The following ABCA4 variants were observed in gnomAD, a reference collection of about 807,000 sequenced individuals.
ABCA4 encodes retinal-specific phospholipid-transporting ATPase ABCA4.
Under a neutral mutation model 263.7 loss-of-function variants are expected in ABCA4, and 196 were observed. The ratio of observed to expected loss-of-function variants is 0.74; its 90% confidence interval spans 0.66 to 0.84. The LOEUF is 0.84. ABCA4 is among the 40% of genes least tolerant of loss of function. The probability of loss-of-function intolerance (pLI) is 0.00; values close to 1 mark genes in which losing one functional copy is unlikely to be tolerated. For missense variants in ABCA4, 2,792 were observed against 2,855.1 expected, an observed-to-expected ratio of 0.98 and a Z score of 0.50; for synonymous variants, 1,133 against 1,094.2, an observed-to-expected ratio of 1.04 and a Z score of -0.70.
chr1:93,993,750 T>C (rs1441919670), intron 49 of ABCA4, among the ~76,000 whole-genome samples: 4 of 152,038 alleles, frequency 2.6e-5, no homozygotes, highest in Non-Finnish European at 5.9e-5. Context: ...AGATCAAAGC[T>C]TGGGCTTTGA....
chr1:94,112,606 C>A (rs56399246), intron 2 of ABCA4, among the ~76,000 whole-genome samples: 2 of 151,914 alleles, frequency 1.3e-5, no homozygotes, highest in African/African-American at 2.4e-5. Flanking sequence ...AAGACCAGCC[C>A]GGGCAATGTA....
At chr1:93,998,825 G>A (rs879643207) in intron 47 of ABCA4, among the ~76,000 whole-genome samples, 1 of 151,300 alleles carries the variant, frequency 6.6e-6, no homozygotes, top group Non-Finnish European at 1.5e-5. Flanking sequence ...TGCAACCTCC[G>A]CCTCCTGGGT....
At chr1:94,008,693 A>G in intron 41 of ABCA4, 58 bp downstream of exon 41, 1 of 1,612,662 alleles carries the variant, frequency 6.2e-7, no homozygotes, top group South Asian at 1.1e-5. Flanking sequence ...GGAAAATGGC[A>G]ACATCATGCC....
chr1:94,040,931 C>G (rs1660468077), intron 23 of ABCA4, among the ~76,000 whole-genome samples: 1 of 152,252 alleles, frequency 6.6e-6, no homozygotes, highest in Admixed American at 6.5e-5. Flanking sequence ...GAATAAGACA[C>G]TCACTTCTAT....
At chr1:94,052,505 G>A (rs1279211734) in intron 16 of ABCA4, among the ~76,000 whole-genome samples, 2 of 152,210 alleles carry the variant, frequency 1.3e-5, no homozygotes, top group African/African-American at 4.8e-5. Flanking sequence ...TGGCCCTGCT[G>A]AGCCTCATGC....
chr1:94,041,297 A>G lies in ABCA4; in HGVS notation c.3434T>C (p.Leu1145Pro). Residue 1145 changes from leucine to proline, a missense_variant, in exon 23 of 50, where the codon CTC becomes CCC. Coordinates refer to ENST00000370225, the MANE Select transcript of ABCA4 (RefSeq NM_000350.3). ...QGRLYCSGTP[L>P]FLKNCFGTGL... Reference sequence around the variant, plus strand: ...TGTGCCAAAGCAGTTCTTCAGGAAGAGTGGGGTGCCTGAGCAGTAGAGCCT... The same window carrying G: ...TGTGCCAAAGCAGTTCTTCAGGAAGGGTGGGGTGCCTGAGCAGTAGAGCCT... 1 of 1,614,076 alleles carries G rather than the reference A, an allele frequency of 6.2e-7. No homozygotes were observed. Among genetic ancestry groups the G allele is most frequent in the East Asian group, 2.2e-5 (1 of 44,858 alleles).
chr1:94,044,497 G>T (rs896606169), intron 20 of ABCA4, 116 bp downstream of exon 20: 9 of 1,496,108 alleles, frequency 6.0e-6, no homozygotes, highest in Admixed American at 1.7e-5. Context: ...CCAAATAAGA[G>T]TCTGTATCTC....
Position 94,031,804 on chromosome 1 carries a change from G to C in ABCA4, c.4102C>G (p.Arg1368Gly), listed in dbSNP as rs1183074086. 1 of 1,613,820 alleles carries C rather than the reference G, an allele frequency of 6.2e-7. No individual in the cohort carries two copies. The highest frequency in any genetic ancestry group is 8.5e-7 in the Non-Finnish European group (1 of 1,180,050). The part of the protein sequence containing the change: ...LLVKRFQHTI[R>G]SHKDFLAQIV... ...TGCGCCAGGAAGTCCTTGTGGCTGC[G>C]GATGGTGTGTTGGAATCTCTTGACC... Residue 1368 changes from arginine (R) to glycine (G), a missense_variant, in exon 27 of 50, where the codon CGC becomes GGC. Physicochemically the swap from Arg to Gly is moderately radical, Grantham distance 125. Transcript: ENST00000370225.
chr1:94,121,102 G>C lies in ABCA4; in HGVS notation c.-57C>G. 6.5e-7 allele frequency: 1 copy of C among 1,541,182 alleles called. No homozygotes were observed. Among genetic ancestry groups the C allele is most frequent in the Non-Finnish European group, 9.0e-7 (1 of 1,113,592 alleles). On this transcript the variant is annotated 5_prime_UTR_variant, in exon 1 of 50. Coordinates refer to ENST00000370225, the MANE Select transcript of ABCA4 (RefSeq NM_000350.3). ...GAGCTGAGGCCCCTCAGACAGCAAAGGACATAAACGCCGTTAAGAGCGCCT... is the reference window on the plus strand; with the variant it reads ...GAGCTGAGGCCCCTCAGACAGCAAACGACATAAACGCCGTTAAGAGCGCCT...
intron 30 of ABCA4, 43 bp downstream of exon 30, chr1:94,029,402 G>T: frequency 1.3e-6 from 2 of 1,497,922 alleles, no homozygotes. Flanking sequence ...TAGTCCCTCT[G>T]TGGCAGGCAG....
At chr1:94,001,192 G>A (rs1659166646) in intron 45 of ABCA4, 87 bp from the exon 46 acceptor site, 5 of 1,100,636 alleles carry the variant, frequency 4.5e-6, no homozygotes, top group Non-Finnish European at 6.8e-6. Flanking sequence ...CCCCTGTGGA[G>A]GATGAGCTGA....
At chr1:94,024,870 T>G (rs1421353369) in intron 31 of ABCA4, 84 bp downstream of exon 31, 2 of 1,251,706 alleles carry the variant, frequency 1.6e-6, no homozygotes, top group African/African-American at 2.9e-5. Flanking sequence ...CATACATAAA[T>G]TGAGAGAGAA....
intron 3 of ABCA4, among the ~76,000 whole-genome samples, 170 bp from the exon 4 acceptor site, chr1:94,108,886 C>T (rs1662516163): frequency 1.3e-5 from 2 of 152,202 alleles, no homozygotes; most frequent in South Asian, 4.1e-4. Context: ...TATTCTCCTG[C>T]CTCAGCCTCC....
At chr1:94,011,065 C>G in intron 39 of ABCA4, 136 bp from the exon 40 acceptor site, 2 of 1,539,848 alleles carry the variant, frequency 1.3e-6, no homozygotes, top group Admixed American at 1.8e-5. Flanking sequence ...ATAAGGGCTG[C>G]CCTCCATCCC....
chr1:94,016,599 G>A (rs1571254776), intron 36 of ABCA4, among the ~76,000 whole-genome samples: 1 of 152,104 alleles, frequency 6.6e-6, no homozygotes, highest in South Asian at 2.1e-4. Context: ...AGAAGCCAGC[G>A]TCTCACTGTT....
chr1:93,998,989 G>C (rs2100990663), intron 47 of ABCA4, among the ~76,000 whole-genome samples: 1 of 150,090 alleles, frequency 6.7e-6, no homozygotes, highest in African/African-American at 2.5e-5. Flanking sequence ...GACCTCAAGT[G>C]ATCCGCCCGC....
intron 32 of ABCA4, 23 bp downstream of exon 32, chr1:94,023,363 T>G: frequency 6.3e-7 from 1 of 1,584,806 alleles, no homozygotes; most frequent in Non-Finnish European, 8.7e-7. Context: ...GAGATTTTAA[T>G]TCTGATAAAA....
rs1658911374 is a variant in ABCA4 at position 93,993,054 on chromosome 1, T to C, written c.*183A>G. 2.8e-6 allele frequency: 2 copies of C among 723,062 alleles called. No individual in the cohort carries two copies. The highest frequency in any genetic ancestry group is 5.5e-5 in the East Asian group (2 of 36,388). The allele number at this position is 723,062 out of a possible 1,614,324, so 44.8% of individuals were successfully genotyped here. A position where few individuals can be genotyped will look rare whatever the true frequency, so the allele number is the denominator to read the frequency against. On this transcript the variant is annotated 3_prime_UTR_variant, in exon 50 of 50. Coordinates refer to ENST00000370225, the MANE Select transcript of ABCA4 (RefSeq NM_000350.3). ...CAGGTGTTCCAGGTGAGCAAGTCAG[T>C]TTCGGTTTCCTTCTGAAAGACCTCT...
Position 93,998,021 on chromosome 1 carries a change from T to G in ABCA4, c.6569A>C (p.Gln2190Pro). The change falls in exon 48 of 50, where the codon CAG (glutamine) becomes CCG (proline). Residue 2190 changes from glutamine to proline, a missense_variant. By Grantham distance (76) the Gln-to-Pro change is moderately conservative. Coordinates refer to ENST00000370225, the MANE Select transcript of ABCA4 (RefSeq NM_000350.3). ...CTGCACACTGCCTGGGAAGTTCCCC[T>G]GGAAGAACTGCTCCACAGGGTTCAG... is the stretch of plus-strand genomic sequence containing the variant. The part of the protein sequence containing the change: ...PDLNPVEQFF[Q>P]GNFPGSVQRE... 6.2e-7 allele frequency: 1 copy of G among 1,614,206 alleles called. No individual in the cohort carries two copies. Among genetic ancestry groups the G allele is most frequent in the South Asian group, 1.1e-5 (1 of 91,084 alleles).
Sources: gnomAD v4.1 joint callset for allele counts (sites outside exome capture counted in the v4.1 genomes callset) on GRCh38, gnomAD v4.1.1 for gene constraint, MANE v1.5 for transcripts, NCBI Gene and HGNC (gene_info 2026-07-23, HGNC 2026-07-21) for gene names.